The following RSPO3 variants were observed in gnomAD, a reference collection of about 807,000 sequenced individuals.
RSPO3 encodes R-spondin 3, also known as R-spondin-3.
RSPO3 carries 17 observed loss-of-function variants against 36.5 expected under a neutral mutation model. The ratio of observed to expected loss-of-function variants is 0.47; its 90% CI spans 0.32 to 0.70. The LOEUF is 0.70. Among genes scored for constraint, RSPO3 ranks in the 30% least tolerant of loss-of-function variants. The pLI is 0.04. For missense variants in RSPO3, 294 were observed against 322.5 expected (o/e 0.91, Z 0.68); for synonymous variants, 108 against 107.0 (o/e 1.01, Z -0.06).
intron 4 of RSPO3, among the ~76,000 whole-genome samples, chr6:127,164,136 T>C (rs1399962505): frequency 1.3e-5 from 2 of 152,014 alleles, no homozygotes; most frequent in African/African-American, 4.8e-5. Context: ...CTGCATCCAA[T>C]CTCACGAAAG....
At chr6:127,195,174 C>CT (rs890253794) in intron 4 of RSPO3, among the ~76,000 whole-genome samples, 22 of 150,834 alleles carry the variant, frequency 1.5e-4, no homozygotes, top group African/African-American at 2.7e-4. Flanking sequence ...AAAATCTCTC[C>CT]TTTTTTTTTG....
intron 4 of RSPO3, among the ~76,000 whole-genome samples, chr6:127,191,350 G>C (rs989506506): frequency 2.6e-5 from 4 of 152,084 alleles, no homozygotes; most frequent in African/African-American, 4.8e-5. Flanking sequence ...AATAAACTGG[G>C]GGGGAGGGGT....
At chr6:127,125,040 G>C (rs979711807) in intron 1 of RSPO3, among the ~76,000 whole-genome samples, 9 of 151,950 alleles carry the variant, frequency 5.9e-5, no homozygotes, top group Non-Finnish European at 8.8e-5. Flanking sequence ...TAAAAAACAG[G>C]GTTGCAGGTG....
chr6:127,153,809 C>CT (rs1386226902), intron 3 of RSPO3, among the ~76,000 whole-genome samples: 1 of 151,858 alleles, frequency 6.6e-6, no homozygotes, highest in Non-Finnish European at 1.5e-5. Context: ...TTGGAGGTGC[C>CT]TTTTTTTGTA....
At chr6:127,147,958 A>G (rs1774420949) in intron 1 of RSPO3, among the ~76,000 whole-genome samples, 1 of 152,170 alleles carries the variant, frequency 6.6e-6, no homozygotes, top group Non-Finnish European at 1.5e-5. Flanking sequence ...TTTCACCATT[A>G]TATCTATTTG....
chr6:127,184,594 G>A (rs1775253624), intron 4 of RSPO3, among the ~76,000 whole-genome samples: 1 of 151,968 alleles, frequency 6.6e-6, no homozygotes, highest in Admixed American at 6.6e-5. Flanking sequence ...TTAATCAGAT[G>A]CTTATTAGAA....
At chr6:127,120,442 G>A (rs915845998) in intron 1 of RSPO3, among the ~76,000 whole-genome samples, 1 of 152,208 alleles carries the variant, frequency 6.6e-6, no homozygotes, top group African/African-American at 2.4e-5. Flanking sequence ...GCTGCTCTGG[G>A]CTCTCGCACC....
intron 1 of RSPO3, 129 bp downstream of exon 1, chr6:127,119,418 G>T (rs902181014): frequency 7.2e-6 from 5 of 698,974 alleles, no homozygotes; most frequent in Non-Finnish European, 1.3e-5. Context: ...GGAGATGCAG[G>T]TTCGGGCTTT....
intron 4 of RSPO3, among the ~76,000 whole-genome samples, chr6:127,163,350 T>C (rs978493064): frequency 1.3e-5 from 2 of 152,102 alleles, no homozygotes; most frequent in Non-Finnish European, 2.9e-5. Context: ...AATTATTCTT[T>C]CCATAGATAA....
chr6:127,118,984 G>A lies in RSPO3; in HGVS notation c.-209G>A, dbSNP rs1458915217. ...CGAAGCCGCCGCAGTTCAGTGCTTG[G>A]ATAATTTGAAAGTACAATAGTTGGT... On this transcript the variant is annotated 5_prime_UTR_variant, in exon 1 of 5. The change creates a premature stop within an existing upstream ORF in the 5' untranslated region. Transcript: ENST00000356698. 1 of 411,160 alleles carries A rather than the reference G, an allele frequency of 2.4e-6. No individual in the cohort carries two copies. The highest frequency in any genetic ancestry group is 4.3e-6 in the Non-Finnish European group (1 of 233,574). 25.5% of individuals were successfully genotyped at this position (411,160 alleles called of 1,614,324 possible). A position where few individuals can be genotyped will look rare whatever the true frequency, so the allele number is the denominator to read the frequency against.
At chr6:127,152,259 A>G (rs1434052039) in intron 3 of RSPO3, among the ~76,000 whole-genome samples, 1 of 152,124 alleles carries the variant, frequency 6.6e-6, no homozygotes, top group Non-Finnish European at 1.5e-5. Flanking sequence ...AACAGATGCA[A>G]ATGACCTAGG....
rs181469151 is a variant in RSPO3 at position 127,199,087 on chromosome 6, G to T, written c.*3080G>T. Among the ~76,000 whole-genome samples the T allele has an allele frequency of 1.3e-4, 20 of 152,294 alleles. No homozygotes were observed. Among genetic ancestry groups the T allele is most frequent in the Admixed American group, 1.2e-3 (18 of 15,296 alleles). Reference sequence around the variant, plus strand: ...ACAAAGGGAGACAGCAAAGAAAATGGAAAGTGCACTGGTGCTAGCGTTAGA... The same window carrying T: ...ACAAAGGGAGACAGCAAAGAAAATGTAAAGTGCACTGGTGCTAGCGTTAGA... On this transcript the variant is annotated 3_prime_UTR_variant, in exon 5 of 5. Transcript: ENST00000356698.
chr6:127,168,251 C>T (rs1238624298), intron 4 of RSPO3, among the ~76,000 whole-genome samples: 3 of 152,150 alleles, frequency 2.0e-5, no homozygotes, highest in Non-Finnish European at 4.4e-5. Context: ...TCTCCACATC[C>T]TCTCCAGCAC....
intron 4 of RSPO3, among the ~76,000 whole-genome samples, chr6:127,169,165 T>C (rs2326565): frequency 0.46 from 70,226 of 151,598 alleles, 16,512 homozygotes; most frequent in East Asian, 0.53. Context: ...CCACCAACCA[T>C]GTAGAAGTGT....
rs554608116 is a variant in RSPO3 at position 127,189,325 on chromosome 6, T to A, written c.635-6498T>A. 4.7e-4 allele frequency among the ~76,000 whole-genome samples: 71 copies of A among 151,220 alleles called. 1 individual carries two copies. Among genetic ancestry groups the A allele is most frequent in the African/African-American group, 1.7e-3 (68 of 41,148 alleles). On this transcript the variant is annotated intron_variant, in intron 4 of 4. Transcript: ENST00000356698. Reference sequence around the variant, plus strand: ...AGTAAGTCTGAGTTAGGGCAAGGGATCTAGAAACTGCATTCTAGATAAATG... The same window carrying A: ...AGTAAGTCTGAGTTAGGGCAAGGGAACTAGAAACTGCATTCTAGATAAATG...
At chr6:127,177,936 T>C (rs1775088816) in intron 4 of RSPO3, among the ~76,000 whole-genome samples, 1 of 151,726 alleles carries the variant, frequency 6.6e-6, no homozygotes, top group Admixed American at 6.6e-5. Context: ...ATAACTTTTG[T>C]CACGTTAGTA....
intron 1 of RSPO3, among the ~76,000 whole-genome samples, chr6:127,127,404 T>A: frequency 6.6e-6 from 1 of 152,164 alleles, no homozygotes; most frequent in South Asian, 2.1e-4. Flanking sequence ...AAGTGCTACA[T>A]GGCAAACAAC....
At chr6:127,191,970 C>T (rs896866657) in intron 4 of RSPO3, among the ~76,000 whole-genome samples, 2 of 152,206 alleles carry the variant, frequency 1.3e-5, no homozygotes, top group African/African-American at 4.8e-5. Context: ...GCCCCAGATT[C>T]ACCATGTCCT....
intron 4 of RSPO3, among the ~76,000 whole-genome samples, chr6:127,156,048 G>A (rs1010142632): frequency 6.6e-6 from 1 of 152,188 alleles, no homozygotes; most frequent in Admixed American, 6.5e-5. Context: ...GATTACAAGC[G>A]TGAGCCGCCA....
Sources: allele counts gnomAD v4.1 joint callset (sites outside exome capture counted in the v4.1 genomes callset), GRCh38; gene constraint gnomAD v4.1.1; transcripts MANE v1.5; gene names NCBI Gene and HGNC (gene_info 2026-07-23, HGNC 2026-07-21).